The following MGAT4C variants were observed in gnomAD, a reference collection of about 807,000 sequenced individuals.
MGAT4C encodes MGAT4 family member C.
MGAT4C carries 19 observed loss-of-function variants against 40.1 expected under a neutral mutation model. The ratio of observed to expected loss-of-function variants is 0.47; its 90% CI spans 0.33 to 0.70. The LOEUF (loss-of-function observed/expected upper bound fraction) is 0.70. MGAT4C is among the 30% of genes least tolerant of loss of function. MGAT4C has a pLI of 0.02. For synonymous variants in MGAT4C, 181 were observed against 187.1 expected, an observed-to-expected ratio of 0.97 and a Z score of 0.27; for missense variants, 491 against 563.2, an observed-to-expected ratio of 0.87 and a Z score of 1.30.
At chr12:86,644,494 G>A (rs764106855) in intron 2 of MGAT4C, among the ~76,000 whole-genome samples, 4 of 151,744 alleles carry the variant, frequency 2.6e-5, no homozygotes, top group Non-Finnish European at 5.9e-5. Flanking sequence ...GCTGATGGAA[G>A]TTCAAATTTG....
intron 2 of MGAT4C, among the ~76,000 whole-genome samples, chr12:86,520,061 TTTTAA>T (rs1316576525): frequency 6.6e-6 from 1 of 152,172 alleles, no homozygotes; most frequent in Non-Finnish European, 1.5e-5. Flanking sequence ...ATGTATTTCT[TTTTAA>T]TTTAACATTT....
chr12:86,183,612 AT>A (rs1354881416), intron 1 of MGAT4C, among the ~76,000 whole-genome samples: 1 of 152,132 alleles, frequency 6.6e-6, no homozygotes, highest in African/African-American at 2.4e-5. Flanking sequence ...AACAACAGAA[AT>A]TTACTTCCCC....
intron 1 of MGAT4C, among the ~76,000 whole-genome samples, chr12:86,129,073 G>A (rs576016490): frequency 4.6e-5 from 7 of 152,236 alleles, no homozygotes; most frequent in African/African-American, 1.4e-4. Flanking sequence ...GGGATATGCT[G>A]ACTGACTTTG....
intron 2 of MGAT4C, among the ~76,000 whole-genome samples, chr12:86,675,171 C>A (rs1964361789): frequency 6.6e-6 from 1 of 152,128 alleles, no homozygotes; most frequent in South Asian, 2.1e-4. Context: ...CAAGAGATGA[C>A]CCCCAGTAAA....
chr12:86,660,188 G>A lies in MGAT4C; in HGVS notation c.-229+67021C>T, dbSNP rs950157489. Among the ~76,000 whole-genome samples the A allele has an allele frequency of 1.4e-4, 22 of 152,130 alleles. 1 individual carries two copies. The highest frequency in any genetic ancestry group is 1.4e-3 in the Admixed American group (21 of 15,260). ...CATTCCAAAGAAGTGAAAAGGGAGT[G>A]TAATACTTTTGATAGATGTAGAGCC... On this transcript the variant is annotated intron_variant, in intron 2 of 7. Coordinates refer to the MGAT4C transcript ENST00000548651.
chr12:86,247,982 G>A (rs1952103823), intron 1 of MGAT4C, among the ~76,000 whole-genome samples: 1 of 152,082 alleles, frequency 6.6e-6, no homozygotes, highest in Non-Finnish European at 1.5e-5. Flanking sequence ...TTCCTGATCT[G>A]AAGTTTTAAT....
intron 2 of MGAT4C, among the ~76,000 whole-genome samples, chr12:86,452,753 A>T (rs890741131): frequency 6.6e-6 from 1 of 152,126 alleles, no homozygotes; most frequent in South Asian, 2.1e-4. Context: ...ATACATGTAA[A>T]GGTACTGCTT....
At chr12:86,717,452 G>A (rs932224215) in intron 2 of MGAT4C, among the ~76,000 whole-genome samples, 2 of 152,024 alleles carry the variant, frequency 1.3e-5, no homozygotes, top group East Asian at 1.9e-4. Context: ...TTTCTGAATT[G>A]TAGGTTGCCT....
chr12:86,548,792 G>A (rs901650666), intron 2 of MGAT4C, among the ~76,000 whole-genome samples: 3 of 152,128 alleles, frequency 2.0e-5, no homozygotes, highest in African/African-American at 7.2e-5. Context: ...CATATTTTGT[G>A]AAGATTAGAT....
intron 2 of MGAT4C, among the ~76,000 whole-genome samples, chr12:86,564,850 G>A (rs1454560943): frequency 6.6e-6 from 1 of 152,150 alleles, no homozygotes; most frequent in Non-Finnish European, 1.5e-5. Context: ...CTCTGCAACA[G>A]GTCCAGGCTG....
intron 4 of MGAT4C, among the ~76,000 whole-genome samples, chr12:86,266,450 CAT>C (rs926353429): frequency 2.0e-5 from 3 of 152,130 alleles, no homozygotes; most frequent in African/African-American, 7.2e-5. Context: ...TACTGGTCAG[CAT>C]ATGTTTAATC....
intron 3 of MGAT4C, among the ~76,000 whole-genome samples, chr12:86,361,541 G>A (rs548194140): frequency 6.6e-6 from 1 of 152,156 alleles, no homozygotes; most frequent in Non-Finnish European, 1.5e-5. Flanking sequence ...CCATCAGAGT[G>A]AACAGGCAAC....
At chr12:86,153,610 C>G (rs1201749494) in intron 1 of MGAT4C, among the ~76,000 whole-genome samples, 1 of 152,144 alleles carries the variant, frequency 6.6e-6, no homozygotes, top group Non-Finnish European at 1.5e-5. Flanking sequence ...AGGGAAGTGA[C>G]TGGATTGTAG....
chr12:86,810,711 T>C (rs1194418132), intron 1 of MGAT4C, among the ~76,000 whole-genome samples: 1 of 151,960 alleles, frequency 6.6e-6, no homozygotes, highest in East Asian at 1.9e-4. Context: ...TTTTCATATA[T>C]ATTGTAGTTG....
At chr12:86,747,485 T>C (rs989173427) in intron 1 of MGAT4C, among the ~76,000 whole-genome samples, 3 of 151,804 alleles carry the variant, frequency 2.0e-5, no homozygotes, top group Middle Eastern at 3.4e-3. Flanking sequence ...TCTTTAAAAT[T>C]GTATTTTTTC....
At chr12:86,409,234 A>G (rs1956553284) in intron 3 of MGAT4C, among the ~76,000 whole-genome samples, 1 of 152,204 alleles carries the variant, frequency 6.6e-6, no homozygotes, top group Non-Finnish European at 1.5e-5. Flanking sequence ...TATCAAATAA[A>G]TGATATGTTT....
intron 2 of MGAT4C, among the ~76,000 whole-genome samples, chr12:86,657,636 A>G (rs1187354003): frequency 2.6e-5 from 4 of 151,896 alleles, no homozygotes; most frequent in African/African-American, 9.7e-5. Context: ...AGTTAAAGAA[A>G]CTTGGAATGA....
intron 3 of MGAT4C, among the ~76,000 whole-genome samples, chr12:86,354,475 C>T (rs80167810): frequency 0.085 from 12,932 of 151,916 alleles, 769 homozygotes; most frequent in Middle Eastern, 0.22. Context: ...ATTATAAATG[C>T]GTCTCGATGA....
At chr12:85,991,289 C>T (rs184988672) in intron 2 of MGAT4C, among the ~76,000 whole-genome samples, 24 of 152,282 alleles carry the variant, frequency 1.6e-4, no homozygotes, top group African/African-American at 5.5e-4. Context: ...TGGCTGAACA[C>T]GGGGCTTTTA....
Sources: gnomAD v4.1 joint callset for allele counts (sites outside exome capture counted in the v4.1 genomes callset) on GRCh38, gnomAD v4.1.1 for gene constraint, MANE v1.5 for transcripts, NCBI Gene and HGNC (gene_info 2026-07-23, HGNC 2026-07-21) for gene names.